Variants in POLR3H observed in about 807,000 individuals in gnomAD.
POLR3H encodes DNA-directed RNA polymerase III subunit RPC8.
A neutral mutation model predicts 25.5 loss-of-function variants in POLR3H; 17 were observed. The ratio of observed to expected loss-of-function variants is 0.67; its 90% CI spans 0.46 to 1.00. The LOEUF is 1.00. Among genes scored for constraint, POLR3H ranks in the 50% least tolerant of loss-of-function variants. POLR3H has a pLI of 0.00. For missense variants in POLR3H, 274 were observed against 265.0 expected (o/e 1.03, Z -0.24); for synonymous variants, 129 against 103.0 (o/e 1.25, Z -1.53).
In POLR3H at chr22:41,528,772, G is replaced by C; in HGVS notation, c.*511C>G. On this transcript the variant is annotated 3_prime_UTR_variant, in exon 6 of 6. Coordinates refer to ENST00000355209, the MANE Select transcript of POLR3H (RefSeq NM_001018050.4). The stretch of plus-strand genomic sequence containing the variant: ...CCCACGGAGTGACTGTGGTTGTGGT[G>C]GGGGGGTTCTTAAAATAACTTTTTA... The C allele has an allele frequency of 3.7e-6, 4 of 1,083,156 alleles. No homozygotes were observed. The highest frequency in any genetic ancestry group is 5.1e-6 in the Non-Finnish European group (4 of 786,732). 67.1% of individuals were successfully genotyped at this position (1,083,156 alleles called of 1,614,324 possible).
intron 2 of POLR3H, among the ~76,000 whole-genome samples, chr22:41,534,473 T>C (rs927871866): frequency 1.3e-5 from 2 of 152,136 alleles, no homozygotes; most frequent in Non-Finnish European, 2.9e-5. Context: ...ACTCCATTCA[T>C]GTACAGTGTC....
In POLR3H at chr22:41,527,260, TATA is replaced by T; in HGVS notation, c.*2020_*2022del. On this transcript the variant is annotated 3_prime_UTR_variant, in exon 6 of 6. Coordinates refer to ENST00000355209, the MANE Select transcript of POLR3H (RefSeq NM_001018050.4). ...GTGAGGACGGTGCCCTCCTCTGCCT[TATA>T]ACCTTACCCCCGCTTGCCTGACAGA... 1 of 1,613,974 alleles carries T rather than the reference TATA, an allele frequency of 6.2e-7. No individual in the cohort carries two copies. Among genetic ancestry groups the T allele is most frequent in the Non-Finnish European group, 8.5e-7 (1 of 1,179,954 alleles).
chr22:41,527,847 G>A lies in POLR3H; in HGVS notation c.*1436C>T, dbSNP rs2066635730. 1.9e-6 allele frequency: 3 copies of A among 1,613,158 alleles called. No individual in the cohort carries two copies. Among genetic ancestry groups the A allele is most frequent in the Non-Finnish European group, 2.5e-6 (3 of 1,179,748 alleles). On this transcript the variant is annotated 3_prime_UTR_variant, in exon 6 of 6. Coordinates refer to ENST00000355209, the MANE Select transcript of POLR3H (RefSeq NM_001018050.4). Reference sequence around the variant, plus strand: ...AGAGCCCCAGATGGGTTCAGAAAATGAAGCTCTCCAGGCTAGTCAGGCCCC... The same window carrying A: ...AGAGCCCCAGATGGGTTCAGAAAATAAAGCTCTCCAGGCTAGTCAGGCCCC...
In POLR3H at chr22:41,528,013, C is replaced by G; in HGVS notation, c.*1270G>C. On this transcript the variant is annotated 3_prime_UTR_variant, in exon 6 of 6. Coordinates refer to ENST00000355209, the MANE Select transcript of POLR3H (RefSeq NM_001018050.4). ...CCATTCAGGGCCTGAAGGACTTCAC[C>G]CCTGGCAAGGTTAGGGGCCCGGGTC... 6.2e-7 allele frequency: 1 copy of G among 1,614,146 alleles called. No individual in the cohort carries two copies. The highest frequency in any genetic ancestry group is 8.5e-7 in the Non-Finnish European group (1 of 1,180,024).
intron 1 of POLR3H, among the ~76,000 whole-genome samples, chr22:41,543,365 C>T (rs2066960681): frequency 6.6e-6 from 1 of 152,128 alleles, no homozygotes; most frequent in Non-Finnish European, 1.5e-5. Flanking sequence ...CGATGGCGCA[C>T]ACCTGTAATC....
At chr22:41,543,731 C>T in intron 1 of POLR3H, 1 of 636,214 alleles carries the variant, frequency 1.6e-6, no homozygotes, top group Non-Finnish European at 3.0e-6. Context: ...AACTGAGGCC[C>T]AGAAGGGGTC....
intron 2 of POLR3H, chr22:41,540,442 C>G: frequency 2.1e-6 from 1 of 487,318 alleles, no homozygotes; most frequent in Non-Finnish European, 3.8e-6. Context: ...CCCACGTCTC[C>G]CAGCCTCCAG....
rs999816016 is a variant in POLR3H, at chr22:41,525,987, C to T, written c.*3296G>A. ...TTGCAGCTGAGGCCTGAAGGGTGAGCGAACATTGACCTGTCCCAACTTTGG... is the reference window on the plus strand; with the variant it reads ...TTGCAGCTGAGGCCTGAAGGGTGAGTGAACATTGACCTGTCCCAACTTTGG... On this transcript the variant is annotated 3_prime_UTR_variant, in exon 6 of 6. Transcript: ENST00000355209. 3.2e-5 allele frequency: 12 copies of T among 379,384 alleles called. No individual in the cohort carries two copies. Among genetic ancestry groups the T allele is most frequent in the African/African-American group, 1.4e-4 (7 of 48,898 alleles). The allele number at this position is 379,384 out of a possible 1,614,324, so 23.5% of individuals were successfully genotyped here. A position where few individuals can be genotyped will look rare whatever the true frequency, so the allele number is the denominator to read the frequency against.
rs1390893897 is a variant in POLR3H, at chr22:41,540,576, C to G, written c.208+123G>C. On this transcript the variant is annotated intron_variant, in intron 2 of 5. Coordinates refer to ENST00000355209, the MANE Select transcript of POLR3H (RefSeq NM_001018050.4). Reference sequence around the variant, plus strand: ...CAGGCTGGCCTTGAACTCTGTGGCTCAAGAGATCCTTCCGCCCTCAGCCTT... The same window carrying G: ...CAGGCTGGCCTTGAACTCTGTGGCTGAAGAGATCCTTCCGCCCTCAGCCTT... The G allele has an allele frequency of 1.5e-5, 12 of 774,436 alleles. No individual in the cohort carries two copies. In the Admixed American group the frequency reaches 2.3e-4, roughly 15 times the overall value. 48.0% of individuals were successfully genotyped at this position (774,436 alleles called of 1,614,324 possible).
At position 41,527,302 on chromosome 22, in the gene POLR3H, G is replaced by T; in HGVS notation, c.*1981C>A. ...TTGCCTGACAGAAACATGGCATCAG[G>T]TGGGTGGTGATCGGAGACGAGAACT... On this transcript the variant is annotated 3_prime_UTR_variant, in exon 6 of 6. Transcript: ENST00000355209. 1.2e-6 allele frequency: 2 copies of T among 1,614,194 alleles called. No individual in the cohort carries two copies. The highest frequency in any genetic ancestry group is 8.5e-7 in the Non-Finnish European group (1 of 1,180,016).
In POLR3H at chr22:41,530,679, C is replaced by T. The variant is rs1468854778; in HGVS notation, c.561+8G>A. 45 of 1,609,304 alleles carry T rather than the reference C, an allele frequency of 2.8e-5. No homozygotes were observed. The highest frequency in any genetic ancestry group is 3.8e-5 in the Non-Finnish European group (45 of 1,178,256). The stretch of plus-strand genomic sequence containing the variant: ...CATGGGGGCTTCAGCACCATCAGAG[C>T]CACTCACCACAAGCGTGTACGGAGC... On this transcript the variant is annotated splice_region_variant and intron_variant, in intron 5 of 5. Transcript: ENST00000355209.
At position 41,528,096 on chromosome 22, in the gene POLR3H, A is replaced by G. The variant is rs2066642496; in HGVS notation, c.*1187T>C. 4 of 1,596,364 alleles carry G rather than the reference A, an allele frequency of 2.5e-6. No individual in the cohort carries two copies. The highest frequency in any genetic ancestry group is 3.4e-6 in the Non-Finnish European group (4 of 1,170,856). ...TTGTTTCCCCTCCTGCACTGGCCCC[A>G]GGGTAGCTTCTCCCAGGAGGCTTCA... On this transcript the variant is annotated 3_prime_UTR_variant, in exon 6 of 6. Transcript: ENST00000355209.
chr22:41,539,243 A>G (rs1289809088), intron 2 of POLR3H: 1 of 151,982 alleles, frequency 6.6e-6, no homozygotes, highest in Non-Finnish European at 1.5e-5. Flanking sequence ...TGGGCAACAG[A>G]GCAAGACTCT....
At chr22:41,540,888 A>C in intron 1 of POLR3H, 93 bp from the exon 2 acceptor site, 4 of 891,806 alleles carry the variant, frequency 4.5e-6, no homozygotes, top group South Asian at 1.5e-5. Flanking sequence ...TCACAACCAC[A>C]AGCAAGCCAT....
rs1171610616 is a variant in POLR3H, at chr22:41,528,402, T to TGCGGGG, written c.*880_*881insCCCCGC. 1 of 1,564,502 alleles carries TGCGGGG rather than the reference T, an allele frequency of 6.4e-7. No homozygotes were observed. The highest frequency in any genetic ancestry group is 1.4e-5 in the African/African-American group (1 of 73,690). On this transcript the variant is annotated 3_prime_UTR_variant, in exon 6 of 6. Coordinates refer to ENST00000355209, the MANE Select transcript of POLR3H (RefSeq NM_001018050.4). Reference sequence around the variant, plus strand: ...CCTCTTAGGTCCCCAGGCAGTGCCCTGTCTCCCTGACCCCCCTGCGGGGCC... The same window carrying TGCGGGG: ...CCTCTTAGGTCCCCAGGCAGTGCCCTGCGGGGGTCTCCCTGACCCCCCTGCGGGGCC...
chr22:41,540,273 C>T (rs1239319204), intron 2 of POLR3H: 14 of 333,792 alleles, frequency 4.2e-5, no homozygotes, highest in Non-Finnish European at 5.3e-5. Flanking sequence ...AGCAATGAGA[C>T]CAAAAGGGCA....
In POLR3H at chr22:41,528,456, C is replaced by T; in HGVS notation, c.*827G>A. 6.2e-7 allele frequency: 1 copy of T among 1,610,354 alleles called. No homozygotes were observed. Among genetic ancestry groups the T allele is most frequent in the South Asian group, 1.1e-5 (1 of 90,808 alleles). On this transcript the variant is annotated 3_prime_UTR_variant, in exon 6 of 6. Coordinates refer to ENST00000355209, the MANE Select transcript of POLR3H (RefSeq NM_001018050.4). ...GGCACACAGTACCCACCACTTCCACCCACACCCACCTTCTCCTTGCAGCCC... is the reference window on the plus strand; with the variant it reads ...GGCACACAGTACCCACCACTTCCACTCACACCCACCTTCTCCTTGCAGCCC...
chr22:41,527,552 G>T lies in POLR3H; in HGVS notation c.*1731C>A. ...CAGCCCACAGGCCCGTCAGCCTCTT[G>T]CCCCTTCTTAGGCTCACACAGTGCA... On this transcript the variant is annotated 3_prime_UTR_variant, in exon 6 of 6. Transcript: ENST00000355209. 7.7e-7 allele frequency: 1 copy of T among 1,296,440 alleles called. No individual in the cohort carries two copies. The highest frequency in any genetic ancestry group is 1.0e-6 in the Non-Finnish European group (1 of 953,100). The allele number at this position is 1,296,440 out of a possible 1,614,324, so 80.3% of individuals were successfully genotyped here.
intron 1 of POLR3H, 40 bp downstream of exon 1, chr22:41,543,951 T>C (rs1016592406): frequency 8.1e-6 from 12 of 1,482,890 alleles, no homozygotes; most frequent in Non-Finnish European, 2.8e-6. Context: ...GCGCTCGCTC[T>C]CCCACGCCAA....
Sources: allele counts gnomAD v4.1 joint callset (sites outside exome capture counted in the v4.1 genomes callset), GRCh38; gene constraint gnomAD v4.1.1; transcripts MANE v1.5; gene names NCBI Gene and HGNC (gene_info 2026-07-23, HGNC 2026-07-21).